LRP1B: variants seen among roughly 807,000 people sequenced by gnomAD.
LRP1B encodes low-density lipoprotein receptor-related protein 1B.
In LRP1B, 217 loss-of-function variants were observed where a neutral mutation model predicts 556.6. That is an observed-to-expected ratio of 0.39 (90% confidence interval 0.35 to 0.44). LRP1B has a LOEUF of 0.44. Ranked by LOEUF, LRP1B falls within the 20% of genes least tolerant of loss-of-function variation. LRP1B has a pLI of 1.00. For missense variants in LRP1B, 5,053 were observed against 5,620.8 expected, an observed-to-expected ratio of 0.90 and a Z score of 3.23; for synonymous variants, 2,047 against 1,865.8, an observed-to-expected ratio of 1.10 and a Z score of -2.50.
intron 31 of LRP1B, among the ~76,000 whole-genome samples, chr2:140,835,320 C>T (rs980417626): frequency 2.6e-5 from 4 of 152,150 alleles, no homozygotes; most frequent in African/African-American, 9.7e-5. Context: ...AAACGTCTGA[C>T]ATTATTACAG....
intron 2 of LRP1B, among the ~76,000 whole-genome samples, chr2:141,685,943 A>T (rs897632980): frequency 2.6e-5 from 4 of 152,094 alleles, no homozygotes; most frequent in Admixed American, 2.6e-4. Context: ...TAAAACATTC[A>T]AGTACATACA....
intron 6 of LRP1B, among the ~76,000 whole-genome samples, chr2:141,222,630 C>A (rs965759978): frequency 5.9e-5 from 9 of 152,142 alleles, no homozygotes; most frequent in African/African-American, 2.2e-4. Context: ...AAAAAATCCT[C>A]AATAAAATAC....
intron 86 of LRP1B, among the ~76,000 whole-genome samples, chr2:140,260,406 TAA>T (rs1224750621): frequency 6.6e-6 from 1 of 152,040 alleles, no homozygotes; most frequent in African/African-American, 2.4e-5. Flanking sequence ...ATTCCAGCAA[TAA>T]GAGATGTCAT....
rs373029484 is a variant in LRP1B, at chr2:140,672,374, C to T, written c.6799+27876G>A. ...TGGTGTGCACCTGTAATCCCAGCTA[C>T]TCAGGAAGCTGAGGCAGGAGAATCG... On this transcript the variant is annotated intron_variant, in intron 41 of 90. Coordinates refer to ENST00000389484, the MANE Select transcript of LRP1B (RefSeq NM_018557.3). Among the ~76,000 whole-genome samples the T allele has an allele frequency of 4.6e-5, 7 of 151,088 alleles. No homozygotes were observed. The East Asian group carries it at 1.4e-3, about 30-fold the overall frequency.
intron 1 of LRP1B, among the ~76,000 whole-genome samples, chr2:141,844,177 A>G (rs2105764347): frequency 6.6e-6 from 1 of 152,228 alleles, no homozygotes; most frequent in South Asian, 2.1e-4. Flanking sequence ...TTATCTTTCT[A>G]TCTGCCCCCT....
At chr2:141,811,144 T>C (rs1696340362) in intron 1 of LRP1B, among the ~76,000 whole-genome samples, 1 of 152,090 alleles carries the variant, frequency 6.6e-6, no homozygotes, top group South Asian at 2.1e-4. Context: ...TTCCACAGCA[T>C]ATTTGCTTTT....
chr2:140,343,149 AT>A (rs1188681560), intron 77 of LRP1B, among the ~76,000 whole-genome samples: 3 of 151,736 alleles, frequency 2.0e-5, no homozygotes, highest in Middle Eastern at 3.4e-3. Context: ...AAGAAGCAGA[AT>A]TTTGAATGTT....
intron 6 of LRP1B, among the ~76,000 whole-genome samples, chr2:141,227,035 T>TAAC (rs201774641): frequency 0.03 from 4,534 of 152,172 alleles, 98 homozygotes; most frequent in South Asian, 0.055. Flanking sequence ...GTGAATTCCC[T>TAAC]AACAACAACA....
intron 2 of LRP1B, among the ~76,000 whole-genome samples, chr2:141,486,820 T>G (rs4439901): frequency 0.97 from 148,196 of 152,104 alleles, 72,308 homozygotes; most frequent in East Asian, 1. Flanking sequence ...AAAATTTACT[T>G]TTAAACTTCT....
chr2:141,036,607 T>C (rs984917987), intron 11 of LRP1B, among the ~76,000 whole-genome samples: 19 of 151,990 alleles, frequency 1.3e-4, no homozygotes, highest in Non-Finnish European at 2.2e-4. Context: ...AGACAAGTTG[T>C]CATTGAAGCA....
chr2:141,876,012 A>T (rs370056951), intron 1 of LRP1B, among the ~76,000 whole-genome samples: 1 of 151,988 alleles, frequency 6.6e-6, no homozygotes, highest in South Asian at 2.1e-4. Flanking sequence ...AGGAAGAAGT[A>T]TACTTTAGTA....
At chr2:141,753,279 T>TATATATATATATATATATATATATATA (rs2105573600) in intron 2 of LRP1B, among the ~76,000 whole-genome samples, 1 of 134,614 alleles carries the variant, frequency 7.4e-6, no homozygotes, top group East Asian at 2.1e-4. Context: ...TATATATATA[T>TATATATATATATATATATATATATATA]ATATCCCAGA....
intron 7 of LRP1B, among the ~76,000 whole-genome samples, chr2:141,145,922 C>CTTTTTTTT (rs70991144): frequency 3.3e-4 from 22 of 67,210 alleles, no homozygotes; most frequent in East Asian, 4.4e-4. Context: ...TTCTTTCTTT[C>CTTTTTTTT]TTTTTTTTTT....
chr2:141,596,170 C>G (rs1405303431), intron 2 of LRP1B, among the ~76,000 whole-genome samples: 2 of 151,650 alleles, frequency 1.3e-5, no homozygotes, highest in Non-Finnish European at 2.9e-5. Context: ...CGATCCTTAC[C>G]CAGGGTATAC....
In LRP1B at chr2:140,239,913, A is replaced by G. The variant is rs533980149; in HGVS notation, c.13325-381T>C. Among the ~76,000 whole-genome samples the G allele has an allele frequency of 2.9e-4, 44 of 151,006 alleles. No homozygotes were observed. The South Asian group carries it at 7.3e-3, about 25-fold the overall frequency. ...AAACATTTACACAGTTTCACTGACC[A>G]CATTCCCACCCTTAGTTTTGTTCCT... is the stretch of plus-strand genomic sequence containing the variant. On this transcript the variant is annotated intron_variant, in intron 87 of 90. Transcript: ENST00000389484.
chr2:140,942,673 A>G (rs1355152816), intron 20 of LRP1B, among the ~76,000 whole-genome samples: 1 of 151,090 alleles, frequency 6.6e-6, no homozygotes, highest in African/African-American at 2.4e-5. Flanking sequence ...AGAATTTCAT[A>G]TCCTGCCAAA....
At position 141,188,676 on chromosome 2, in the gene LRP1B, G is replaced by A. The variant is rs1428111044; in HGVS notation, c.851-93C>T. 9 of 1,101,282 alleles carry A rather than the reference G, an allele frequency of 8.2e-6. No individual in the cohort carries two copies. In the East Asian group the frequency reaches 1.7e-4, roughly 21 times the overall value. 68.2% of individuals were successfully genotyped at this position (1,101,282 alleles called of 1,614,324 possible). On this transcript the variant is annotated intron_variant, in intron 6 of 90. Transcript: ENST00000389484. ...TAAGTGTTTCCAAACCATCATAGAG[G>A]ACATTTCAAAAGTATAGACATTTTT...
At chr2:140,773,771 T>C (rs1161495790) in intron 33 of LRP1B, among the ~76,000 whole-genome samples, 1 of 151,788 alleles carries the variant, frequency 6.6e-6, no homozygotes, top group Non-Finnish European at 1.5e-5. Flanking sequence ...AGAGAAAAAG[T>C]AAAAAATAAT....
intron 35 of LRP1B, among the ~76,000 whole-genome samples, 192 bp from the exon 36 acceptor site, chr2:140,717,008 A>T (rs931411995): frequency 2.0e-5 from 3 of 152,066 alleles, no homozygotes; most frequent in Admixed American, 2.0e-4. Context: ...GAAAGAACTT[A>T]TATTTCAGTC....
Sources: allele counts gnomAD v4.1 joint callset (sites outside exome capture counted in the v4.1 genomes callset), GRCh38; gene constraint gnomAD v4.1.1; transcripts MANE v1.5; gene names NCBI Gene and HGNC (gene_info 2026-07-23, HGNC 2026-07-21).